The following SPATA9 variants were observed in gnomAD, a reference collection of about 807,000 sequenced individuals.
The protein encoded by SPATA9 is spermatogenesis-associated protein 9.
In SPATA9, 27 loss-of-function variants were observed where a neutral mutation model predicts 25.5. That is an observed-to-expected ratio of 1.06 (90% confidence interval 0.78 to 1.46). The LOEUF (loss-of-function observed/expected upper bound fraction) is 1.46, where lower values mean the gene tolerates loss of function less well. SPATA9 is among the 40% of genes most tolerant of loss of function. SPATA9 has a pLI of 0.00. For missense variants in SPATA9, 282 were observed against 297.5 expected (o/e 0.95, Z 0.38); for synonymous variants, 102 against 105.7 (o/e 0.97, Z 0.21).
At chr5:95,678,612 T>G (rs1753158032) in intron 2 of SPATA9, among the ~76,000 whole-genome samples, 1 of 152,122 alleles carries the variant, frequency 6.6e-6, no homozygotes, top group Admixed American at 6.6e-5. Flanking sequence ...GGGAGGAAGA[T>G]TTAAATACTA....
At chr5:95,654,799 T>C (rs902010712), downstream of SPATA9, among the ~76,000 whole-genome samples, 3 of 152,176 alleles carry the variant, frequency 2.0e-5, no homozygotes, top group African/African-American at 7.2e-5. Context: ...CATAGGATGA[T>C]AATAGTCTTA....
chr5:95,731,651 C>G, the SPATA9 span: 1 of 1,612,838 alleles, frequency 6.2e-7, no homozygotes, highest in Admixed American at 1.7e-5. Flanking sequence ...TGCTTTTCTC[C>G]GAGTCGCCGC....
upstream of SPATA9, among the ~76,000 whole-genome samples, chr5:95,686,293 T>A (rs1474436556): frequency 6.6e-6 from 1 of 152,234 alleles, no homozygotes; most frequent in Admixed American, 6.5e-5. Flanking sequence ...GTTTGTAAGA[T>A]GTGGATTCTA....
At chr5:95,676,038 TC>T (rs1162624882) in intron 2 of SPATA9, among the ~76,000 whole-genome samples, 3 of 152,030 alleles carry the variant, frequency 2.0e-5, no homozygotes, top group Non-Finnish European at 2.9e-5. Flanking sequence ...GTCAGGCTGG[TC>T]TCAAACTCCT....
At chr5:95,674,518 C>CT (rs920575363) in intron 3 of SPATA9, among the ~76,000 whole-genome samples, 2 of 152,014 alleles carry the variant, frequency 1.3e-5, no homozygotes, top group African/African-American at 2.4e-5. Context: ...TTTTCTCCCT[C>CT]TTTTTTTTCT....
downstream of SPATA9, chr5:95,656,143 A>G (rs373170216): frequency 5.6e-6 from 9 of 1,613,972 alleles, no homozygotes; most frequent in Non-Finnish European, 5.9e-6. Flanking sequence ...AACCCTAAAG[A>G]TCCATCAGCA....
downstream of SPATA9, chr5:95,654,470 C>T (rs150550): frequency 0.39 from 301,420 of 778,990 alleles, 60,361 homozygotes; most frequent in African/African-American, 0.56. Context: ...GAATATAATT[C>T]CAAGTATTCT....
At chr5:95,656,138 T>C, downstream of SPATA9, 1 of 1,613,876 alleles carries the variant, frequency 6.2e-7, no homozygotes, top group Non-Finnish European at 8.5e-7. Flanking sequence ...CTATAAACCC[T>C]AAAGATCCAT....
At chr5:95,725,611 G>T in the SPATA9 span, among the ~76,000 whole-genome samples, 1 of 152,090 alleles carries the variant, frequency 6.6e-6, no homozygotes, top group East Asian at 1.9e-4. Flanking sequence ...CACTTTTTTT[G>T]TGTGTTGTAT....
chr5:95,686,404 G>A (rs893328812), upstream of SPATA9, among the ~76,000 whole-genome samples: 23 of 151,548 alleles, frequency 1.5e-4, no homozygotes, highest in Admixed American at 7.9e-4. Flanking sequence ...ACTTAGAAAG[G>A]AATCTAGTAG....
chr5:95,676,608 T>C (rs1238353380), intron 2 of SPATA9, among the ~76,000 whole-genome samples: 1 of 152,182 alleles, frequency 6.6e-6, no homozygotes, highest in Non-Finnish European at 1.5e-5. Flanking sequence ...TTCTCTACCT[T>C]GTCCCAGAAT....
intron 2 of SPATA9, among the ~76,000 whole-genome samples, chr5:95,681,430 G>T (rs1753447090): frequency 6.6e-6 from 1 of 151,944 alleles, no homozygotes. Flanking sequence ...TCATCCATTG[G>T]GACCCAACTT....
At chr5:95,652,338 C>T, downstream of SPATA9, 1 of 1,549,976 alleles carries the variant, frequency 6.5e-7, no homozygotes, top group South Asian at 1.2e-5. Context: ...CCAAGTGAGT[C>T]CATAGAATTC....
the SPATA9 span, among the ~76,000 whole-genome samples, chr5:95,714,452 G>T: frequency 6.6e-6 from 1 of 152,132 alleles, no homozygotes; most frequent in Non-Finnish European, 1.5e-5. Context: ...AAAGTGTTTT[G>T]CAATAGAAGG....
At chr5:95,723,168 G>A in the SPATA9 span, among the ~76,000 whole-genome samples, 22 of 151,648 alleles carry the variant, frequency 1.5e-4, 1 homozygote, top group Non-Finnish European at 2.1e-4. Flanking sequence ...TAACACCAAC[G>A]ATAGCTGATG....
At chr5:95,708,862 G>A in the SPATA9 span, 4 of 511,788 alleles carry the variant, frequency 7.8e-6, no homozygotes, top group Non-Finnish European at 1.4e-5. Context: ...GAGGAGGAAG[G>A]AGTAGGAAGG....
At chr5:95,679,401 G>C (rs548142754) in intron 2 of SPATA9, among the ~76,000 whole-genome samples, 1 of 152,216 alleles carries the variant, frequency 6.6e-6, no homozygotes, top group African/African-American at 2.4e-5. Flanking sequence ...TTATACCAAG[G>C]CTAGGGGAAT....
At chr5:95,670,041 A>G (rs913296067) in intron 3 of SPATA9, among the ~76,000 whole-genome samples, 3 of 152,286 alleles carry the variant, frequency 2.0e-5, no homozygotes, top group Admixed American at 6.5e-5. Flanking sequence ...CCATCTGTGC[A>G]CATGTCTCAG....
chr5:95,718,284 GAGA>G, the SPATA9 span, among the ~76,000 whole-genome samples: 2 of 152,172 alleles, frequency 1.3e-5, no homozygotes, highest in African/African-American at 4.8e-5. Flanking sequence ...GAAGACAGGG[GAGA>G]AGAAAGGGGA....
Sources: allele counts gnomAD v4.1 joint callset (sites outside exome capture counted in the v4.1 genomes callset), GRCh38; gene constraint gnomAD v4.1.1; transcripts MANE v1.5; gene names NCBI Gene and HGNC (gene_info 2026-07-23, HGNC 2026-07-21).